TEAD1: variants seen among roughly 807,000 people sequenced by gnomAD.
The protein encoded by TEAD1 is TEA domain transcription factor 1.
TEAD1 carries 9 observed loss-of-function variants against 54.9 expected under a neutral mutation model. The observed-to-expected ratio is 0.16, with a 90% CI of 0.10 to 0.29. TEAD1 has a LOEUF of 0.29. Ranked by LOEUF, TEAD1 falls within the 10% of genes least tolerant of loss-of-function variation. The probability of loss-of-function intolerance (pLI) is 1.00; values close to 1 mark genes in which losing one functional copy is unlikely to be tolerated. For synonymous variants in TEAD1, 200 were observed against 187.8 expected, an observed-to-expected ratio of 1.07 and a Z score of -0.53; for missense variants, 387 against 535.9, an observed-to-expected ratio of 0.72 and a Z score of 2.74.
intron 3 of TEAD1, among the ~76,000 whole-genome samples, chr11:12,810,569 G>A (rs1018459655): frequency 5.9e-5 from 9 of 152,062 alleles, no homozygotes; most frequent in Non-Finnish European, 7.4e-5. Flanking sequence ...CTTAGTCTTC[G>A]GAGTCGTTTT....
rs189325544 is a variant in TEAD1 at position 12,686,021 on chromosome 11, T to G, written c.-55+10460T>G. Among the ~76,000 whole-genome samples, 6 of 152,356 alleles carry G rather than the reference T, an allele frequency of 3.9e-5. No homozygotes were observed. The East Asian group carries it at 1.2e-3, about 29-fold the overall frequency. On this transcript the variant is annotated intron_variant, in intron 2 of 12. Coordinates refer to ENST00000527636, the MANE Select transcript of TEAD1 (RefSeq NM_021961.6). ...GGCTGCCTTCCTCCTGGTTACTGTT[T>G]GTGGCAGTTTTGCCTATTTGTATTT...
intron 3 of TEAD1, among the ~76,000 whole-genome samples, chr11:12,793,120 G>C (rs562764345): frequency 1.4e-5 from 2 of 146,540 alleles, no homozygotes; most frequent in African/African-American, 5.0e-5. Flanking sequence ...CTATGAAGTG[G>C]TTTTTTTTTT....
At chr11:12,854,143 A>G (rs1947326712) in intron 3 of TEAD1, among the ~76,000 whole-genome samples, 2 of 152,116 alleles carry the variant, frequency 1.3e-5, no homozygotes, top group African/African-American at 4.8e-5. Flanking sequence ...TCAATGATTT[A>G]TATTGAGGAT....
chr11:12,756,955 A>T (rs1244202352), intron 2 of TEAD1, among the ~76,000 whole-genome samples: 1 of 152,116 alleles, frequency 6.6e-6, no homozygotes, highest in African/African-American at 2.4e-5. Flanking sequence ...TTTTCCCCCC[A>T]GTCTTTTTGT....
At chr11:12,753,566 A>G (rs1459067848) in intron 2 of TEAD1, among the ~76,000 whole-genome samples, 1 of 152,212 alleles carries the variant, frequency 6.6e-6, no homozygotes, top group Non-Finnish European at 1.5e-5. Context: ...ATGTTTCATA[A>G]AATACATTAG....
intron 2 of TEAD1, among the ~76,000 whole-genome samples, chr11:12,757,238 G>T (rs1015421669): frequency 6.6e-6 from 1 of 152,076 alleles, no homozygotes; most frequent in Non-Finnish European, 1.5e-5. Context: ...TTTACCATTT[G>T]TCACCTCTTC....
chr11:12,692,662 G>T (rs551381482), intron 2 of TEAD1, among the ~76,000 whole-genome samples: 3 of 152,306 alleles, frequency 2.0e-5, no homozygotes, highest in African/African-American at 7.2e-5. Context: ...CACAAGGCAG[G>T]CTTCTGTGCC....
intron 2 of TEAD1, among the ~76,000 whole-genome samples, chr11:12,705,525 T>G (rs1943795560): frequency 6.6e-6 from 1 of 152,142 alleles, no homozygotes; most frequent in Admixed American, 6.5e-5. Context: ...TGTGTGAGTT[T>G]ATGCCAGGCA....
chr11:12,724,239 A>G (rs1162880228), intron 2 of TEAD1, among the ~76,000 whole-genome samples: 2 of 152,202 alleles, frequency 1.3e-5, no homozygotes, highest in Non-Finnish European at 2.9e-5. Flanking sequence ...GCTCTCCGTA[A>G]TGCTGCCCCA....
At chr11:12,737,569 T>C (rs1944563300) in intron 2 of TEAD1, among the ~76,000 whole-genome samples, 1 of 152,204 alleles carries the variant, frequency 6.6e-6, no homozygotes, top group South Asian at 2.1e-4. Context: ...ATTTAAGTCA[T>C]GTTGGCAGTC....
chr11:12,679,886 AAG>A (rs1337251193), intron 2 of TEAD1, among the ~76,000 whole-genome samples: 1 of 152,230 alleles, frequency 6.6e-6, no homozygotes, highest in African/African-American at 2.4e-5. Context: ...AATATTAAGA[AAG>A]AGACTGTTTT....
At chr11:12,824,227 A>T (rs916701544) in intron 3 of TEAD1, among the ~76,000 whole-genome samples, 1 of 152,196 alleles carries the variant, frequency 6.6e-6, no homozygotes, top group Non-Finnish European at 1.5e-5. Flanking sequence ...GTATAATGGA[A>T]TATATGAAAT....
intron 3 of TEAD1, among the ~76,000 whole-genome samples, chr11:12,774,742 T>C (rs1189642744): frequency 6.6e-6 from 1 of 152,194 alleles, no homozygotes; most frequent in African/African-American, 2.4e-5. Context: ...TTCTTTGAAT[T>C]CTTAAAATTA....
intron 3 of TEAD1, among the ~76,000 whole-genome samples, chr11:12,771,875 A>G (rs796637553): frequency 6.6e-6 from 1 of 152,338 alleles, no homozygotes; most frequent in African/African-American, 2.4e-5. Flanking sequence ...GGGAAGACAG[A>G]TTAGTGGTTC....
intron 10 of TEAD1, among the ~76,000 whole-genome samples, chr11:12,902,959 CT>C (rs1948450626): frequency 6.6e-6 from 1 of 152,154 alleles, no homozygotes. Flanking sequence ...ATTGATTTCT[CT>C]TTTAATCCCA....
At chr11:12,741,564 G>A (rs935802751) in intron 2 of TEAD1, among the ~76,000 whole-genome samples, 5 of 152,078 alleles carry the variant, frequency 3.3e-5, no homozygotes, top group African/African-American at 1.2e-4. Flanking sequence ...CTCCCTCCTA[G>A]TGATCATGCA....
intron 2 of TEAD1, among the ~76,000 whole-genome samples, chr11:12,739,319 T>A (rs1396019357): frequency 2.6e-5 from 4 of 152,216 alleles, no homozygotes; most frequent in Admixed American, 6.5e-5. Flanking sequence ...CCATCTTCAT[T>A]TTTAAGTGTA....
intron 10 of TEAD1, among the ~76,000 whole-genome samples, chr11:12,919,293 T>C (rs777527003): frequency 2.0e-5 from 3 of 152,148 alleles, no homozygotes; most frequent in Non-Finnish European, 4.4e-5. Context: ...TAAGAGATAA[T>C]GGTAAACCAA....
chr11:12,924,218 C>T (rs557486796), intron 10 of TEAD1, among the ~76,000 whole-genome samples: 1 of 152,264 alleles, frequency 6.6e-6, no homozygotes, highest in East Asian at 1.9e-4. Context: ...TAAATCATTC[C>T]TCAACTGAGA....
Sources: gnomAD v4.1 joint callset for allele counts (sites outside exome capture counted in the v4.1 genomes callset) on GRCh38, gnomAD v4.1.1 for gene constraint, MANE v1.5 for transcripts, NCBI Gene and HGNC (gene_info 2026-07-23, HGNC 2026-07-21) for gene names.